OR1J2: variants seen among roughly 807,000 people sequenced by gnomAD.
OR1J2 encodes the protein olfactory receptor family 1 subfamily J member 2.
For synonymous variants in OR1J2, 142 were observed against 99.7 expected, an observed-to-expected ratio of 1.42 and a Z score of -2.52; for missense variants, 304 against 246.1, an observed-to-expected ratio of 1.24 and a Z score of -1.57.
the OR1J2 span, among the ~76,000 whole-genome samples, chr9:122,579,698 ATTTCAG>A: frequency 6.6e-6 from 1 of 152,208 alleles, no homozygotes; most frequent in African/African-American, 2.4e-5. Flanking sequence ...TGTCATAATT[ATTTCAG>A]GATTAAGTCT....
At chr9:122,475,471 A>G in the OR1J2 span, among the ~76,000 whole-genome samples, 526 of 152,280 alleles carry the variant, frequency 3.5e-3, 1 homozygote, top group African/African-American at 0.012. Flanking sequence ...AGATAAGGAG[A>G]AAAACAACCC....
At chr9:122,567,718 C>T in the OR1J2 span, 1 of 1,613,968 alleles carries the variant, frequency 6.2e-7, no homozygotes, top group East Asian at 2.2e-5. Flanking sequence ...AAGATGCTTC[C>T]ATAAAAGAGC....
chr9:122,565,491 C>G, the OR1J2 span, among the ~76,000 whole-genome samples: 1 of 152,200 alleles, frequency 6.6e-6, no homozygotes, highest in Non-Finnish European at 1.5e-5. Context: ...AGCATGTACT[C>G]CCACTAACCA....
At chr9:122,553,751 C>G in the OR1J2 span, 2 of 1,614,024 alleles carry the variant, frequency 1.2e-6, no homozygotes, top group Non-Finnish European at 1.7e-6. Flanking sequence ...TCCCTCATTT[C>G]TATTGTGATC....
the OR1J2 span, chr9:122,527,116 A>C: frequency 1.2e-6 from 2 of 1,614,230 alleles, no homozygotes; most frequent in Non-Finnish European, 1.7e-6. Flanking sequence ...TTGGCCAAGA[A>C]AAAGTACATG....
chr9:122,448,961 G>C, the OR1J2 span: 5 of 119,824 alleles, frequency 4.2e-5, no homozygotes, highest in Admixed American at 1.1e-4. Context: ...AACAGAGCAA[G>C]ACGCCGTGTC....
At chr9:122,548,947 T>C in the OR1J2 span, among the ~76,000 whole-genome samples, 5 of 152,138 alleles carry the variant, frequency 3.3e-5, no homozygotes, top group Admixed American at 2.6e-4. Flanking sequence ...TTATTTCTTT[T>C]GCTGTGCAGA....
At chr9:122,503,742 A>G in the OR1J2 span, among the ~76,000 whole-genome samples, 2 of 152,170 alleles carry the variant, frequency 1.3e-5, no homozygotes, top group Non-Finnish European at 1.5e-5. Flanking sequence ...CAAACAACTA[A>G]GTCATTCACC....
At chr9:122,465,982 C>T in the OR1J2 span, among the ~76,000 whole-genome samples, 2 of 152,088 alleles carry the variant, frequency 1.3e-5, no homozygotes, top group Non-Finnish European at 2.9e-5. Context: ...AAGCCATTGC[C>T]GCAGAATTCC....
At chr9:122,561,907 G>A in the OR1J2 span, among the ~76,000 whole-genome samples, 1 of 152,150 alleles carries the variant, frequency 6.6e-6, no homozygotes, top group Non-Finnish European at 1.5e-5. Flanking sequence ...TACTCATCTG[G>A]GCTGCCCAGA....
At chr9:122,497,352 A>G in the OR1J2 span, among the ~76,000 whole-genome samples, 1 of 152,090 alleles carries the variant, frequency 6.6e-6, no homozygotes, top group Non-Finnish European at 1.5e-5. Context: ...CTTCCTCCCG[A>G]TATTGGCCTA....
chr9:122,491,237 G>T, the OR1J2 span, among the ~76,000 whole-genome samples: 3 of 152,150 alleles, frequency 2.0e-5, no homozygotes, highest in African/African-American at 7.2e-5. Context: ...AGAAGAAAAA[G>T]ATTTGAGAAG....
the OR1J2 span, among the ~76,000 whole-genome samples, chr9:122,472,560 G>A: frequency 1.3e-5 from 2 of 152,164 alleles, no homozygotes; most frequent in Admixed American, 6.5e-5. Flanking sequence ...AGTTATTACT[G>A]GGTACCCCAT....
chr9:122,508,312 G>GAC (rs1461473259), upstream of OR1J2, among the ~76,000 whole-genome samples: 2 of 152,100 alleles, frequency 1.3e-5, no homozygotes, highest in Non-Finnish European at 2.9e-5. Context: ...TTAGGGTGGG[G>GAC]ATGTCTTTAA....
the OR1J2 span, chr9:122,477,548 A>G: frequency 6.2e-7 from 1 of 1,614,244 alleles, no homozygotes; most frequent in Non-Finnish European, 8.5e-7. Flanking sequence ...AGAGGATGAC[A>G]GATGGCCACA....
At chr9:122,561,944 C>T in the OR1J2 span, among the ~76,000 whole-genome samples, 11 of 152,182 alleles carry the variant, frequency 7.2e-5, no homozygotes, top group Admixed American at 7.2e-4. Flanking sequence ...GTAGGAAAAA[C>T]TAAGTCTGCT....
the OR1J2 span, among the ~76,000 whole-genome samples, chr9:122,524,488 C>T: frequency 3.9e-5 from 6 of 152,126 alleles, no homozygotes; most frequent in South Asian, 2.1e-4. Flanking sequence ...CAACAGTGTC[C>T]GTTGATGAAT....
chr9:122,563,185 T>TTTG, the OR1J2 span, among the ~76,000 whole-genome samples: 2 of 21,186 alleles, frequency 9.4e-5, no homozygotes, highest in African/African-American at 3.4e-4. Flanking sequence ...GCATTTGTTA[T>TTTG]TTTTTTTTTT....
At chr9:122,568,450 C>A in the OR1J2 span, 1 of 1,604,496 alleles carries the variant, frequency 6.2e-7, no homozygotes, top group South Asian at 1.1e-5. Flanking sequence ...AACTCGGAGA[C>A]ACTGCTGGTG....
Sources: gnomAD v4.1 joint callset for allele counts (sites outside exome capture counted in the v4.1 genomes callset) on GRCh38, gnomAD v4.1.1 for gene constraint, MANE v1.5 for transcripts, NCBI Gene and HGNC (gene_info 2026-07-23, HGNC 2026-07-21) for gene names.